LINC00305: variants seen among roughly 807,000 people sequenced by gnomAD.
The protein encoded by LINC00305 is long independently transcribed non-coding RNA 305.
At position 64,123,675 on chromosome 18, in the gene LINC00305, T is replaced by G. The variant is rs141457323; in HGVS notation, n.315-25035A>C. Among the ~76,000 whole-genome samples, 1,010 of 152,208 alleles carry G rather than the reference T, an allele frequency of 6.6e-3. 16 individuals carry two copies. Among genetic ancestry groups the G allele is most frequent in the African/African-American group, 0.023 (938 of 41,536 alleles). On this transcript the variant is annotated intron_variant and non_coding_transcript_variant, in intron 1 of 3. Transcript: ENST00000666468. ...ATTTCTATACGTTAATGCATTATCATTCAGGGTCCATGTGCTATGATTTGG... is the reference window on the plus strand; with the variant it reads ...ATTTCTATACGTTAATGCATTATCAGTCAGGGTCCATGTGCTATGATTTGG...
chr18:64,105,854 C>G (rs2051288205), intron 1 of LINC00305, among the ~76,000 whole-genome samples: 1 of 152,162 alleles, frequency 6.6e-6, no homozygotes. Context: ...TCCAGTAACT[C>G]ACAGTTACTT....
chr18:64,107,426 G>T lies in LINC00305; in HGVS notation n.315-8786C>A, dbSNP rs28678602. Reference sequence around the variant, plus strand: ...GTGAATCAGCATAGTGTCGAGGAAAGAGAAAAATTGAAGGGAACTCTCTGA... The same window carrying T: ...GTGAATCAGCATAGTGTCGAGGAAATAGAAAAATTGAAGGGAACTCTCTGA... On this transcript the variant is annotated intron_variant and non_coding_transcript_variant, in intron 1 of 3. Transcript: ENST00000666468. Among the ~76,000 whole-genome samples the T allele has an allele frequency of 1.5e-3, 230 of 152,338 alleles. 1 individual carries two copies. The highest frequency in any genetic ancestry group is 5.2e-3 in the African/African-American group (216 of 41,582).
intron 3 of LINC00305, among the ~76,000 whole-genome samples, chr18:64,092,051 C>A (rs2051226701): frequency 6.6e-6 from 1 of 152,208 alleles, no homozygotes; most frequent in African/African-American, 2.4e-5. Flanking sequence ...GGCACAATTT[C>A]TGCCCTTAGG....
chr18:64,110,730 T>G (rs1019012750), intron 1 of LINC00305, among the ~76,000 whole-genome samples: 6 of 152,218 alleles, frequency 3.9e-5, no homozygotes, highest in Admixed American at 2.6e-4. Flanking sequence ...AGATCTCTGC[T>G]GCTAAGTAAG....
intron 1 of LINC00305, among the ~76,000 whole-genome samples, chr18:64,142,093 T>C (rs2051466261): frequency 6.6e-6 from 1 of 152,156 alleles, no homozygotes; most frequent in African/African-American, 2.4e-5. Flanking sequence ...GCTCAGACGC[T>C]GCTGTCTATG....
chr18:64,140,641 A>G (rs1251584541), intron 1 of LINC00305, among the ~76,000 whole-genome samples: 1 of 152,178 alleles, frequency 6.6e-6, no homozygotes, highest in Non-Finnish European at 1.5e-5. Context: ...CCTACTGTTT[A>G]GAGCAGAGCC....
intron 1 of LINC00305, among the ~76,000 whole-genome samples, chr18:64,138,952 T>A (rs2051448126): frequency 6.6e-6 from 1 of 152,158 alleles, no homozygotes. Flanking sequence ...CGATAACCAG[T>A]GCATGCAGAC....
chr18:64,141,287 T>A (rs975847025), intron 1 of LINC00305, among the ~76,000 whole-genome samples: 4 of 152,120 alleles, frequency 2.6e-5, no homozygotes, highest in African/African-American at 9.7e-5. Flanking sequence ...ATTTTGGGTT[T>A]TCAGATTTGA....
At chr18:64,131,461 A>G (rs763991234) in intron 1 of LINC00305, among the ~76,000 whole-genome samples, 10 of 152,208 alleles carry the variant, frequency 6.6e-5, no homozygotes, top group Non-Finnish European at 1.0e-4. Flanking sequence ...ATTGAAAGGA[A>G]GTGAATTGGG....
intron 1 of LINC00305, among the ~76,000 whole-genome samples, chr18:64,143,091 G>A (rs546208655): frequency 6.6e-6 from 1 of 152,172 alleles, no homozygotes; most frequent in African/African-American, 2.4e-5. Flanking sequence ...AAAGATGTAA[G>A]AGTAAACAGT....
At chr18:64,080,236 G>A (rs1439453593) in exon 4 of LINC00305, 4 of 412,812 alleles carry the variant, frequency 9.7e-6, no homozygotes, top group Non-Finnish European at 1.5e-5. Context: ...TTCACAGTAT[G>A]ACCTCTGATC....
intron 1 of LINC00305, among the ~76,000 whole-genome samples, chr18:64,146,606 G>A (rs1317386111): frequency 2.0e-5 from 3 of 152,278 alleles, no homozygotes; most frequent in Admixed American, 1.3e-4. Flanking sequence ...TCCCACCAGC[G>A]GGGCTTCTGT....
At chr18:64,133,092 C>A (rs564905493) in intron 1 of LINC00305, among the ~76,000 whole-genome samples, 2 of 152,118 alleles carry the variant, frequency 1.3e-5, no homozygotes, top group Non-Finnish European at 2.9e-5. Context: ...GTTTACATCC[C>A]TTTGCTCATT....
chr18:64,107,953 A>C (rs2144246638), intron 1 of LINC00305, among the ~76,000 whole-genome samples: 1 of 152,324 alleles, frequency 6.6e-6, no homozygotes, highest in South Asian at 2.1e-4. Flanking sequence ...TTCTGCTGTA[A>C]CTATGGAGAG....
chr18:64,133,675 G>GT lies in LINC00305; in HGVS notation n.314+15099dup, dbSNP rs145463790. 4.6e-3 allele frequency among the ~76,000 whole-genome samples: 702 copies of GT among 152,196 alleles called. 5 individuals carry two copies. Among genetic ancestry groups the GT allele is most frequent in the African/African-American group, 0.016 (673 of 41,530 alleles). ...CAGGCCTATTTCTAGAGCCAGTGAT[G>GT]TTTTTTTCCTTACATACTCCATGGT... is the stretch of plus-strand genomic sequence containing the variant. On this transcript the variant is annotated intron_variant and non_coding_transcript_variant, in intron 1 of 3. Coordinates refer to ENST00000666468, the Ensembl canonical transcript of LINC00305.
At chr18:64,137,921 A>G (rs2051443090) in intron 1 of LINC00305, among the ~76,000 whole-genome samples, 1 of 152,128 alleles carries the variant, frequency 6.6e-6, no homozygotes, top group African/African-American at 2.4e-5. Context: ...CTTTTTAGGA[A>G]CTAAACTCCT....
chr18:64,135,064 T>C (rs890027214), intron 1 of LINC00305, among the ~76,000 whole-genome samples: 2 of 152,212 alleles, frequency 1.3e-5, no homozygotes, highest in African/African-American at 4.8e-5. Context: ...TATCCGTTCC[T>C]TTTGACCACT....
chr18:64,104,763 A>G (rs1369177108), intron 1 of LINC00305, among the ~76,000 whole-genome samples: 1 of 152,128 alleles, frequency 6.6e-6, no homozygotes, highest in Non-Finnish European at 1.5e-5. Context: ...CCCCAGGACA[A>G]ACAAAATTTT....
chr18:64,143,713 ATAT>A (rs1329034328), intron 1 of LINC00305, among the ~76,000 whole-genome samples: 4 of 141,144 alleles, frequency 2.8e-5, no homozygotes, highest in South Asian at 2.1e-4. Flanking sequence ...GTATGTCCAC[ATAT>A]TATGCGTACA....
Sources: gnomAD v4.1 joint callset for allele counts (sites outside exome capture counted in the v4.1 genomes callset) on GRCh38, gnomAD v4.1.1 for gene constraint, MANE v1.5 for transcripts, NCBI Gene and HGNC (gene_info 2026-07-23, HGNC 2026-07-21) for gene names.